SPATA16: variants seen among roughly 807,000 people sequenced by gnomAD.
The protein encoded by SPATA16 is spermatogenesis-associated protein 16.
Under a neutral mutation model 63.3 loss-of-function variants are expected in SPATA16, and 36 were observed. The ratio of observed to expected loss-of-function variants is 0.57; its 90% CI spans 0.44 to 0.75. SPATA16 has a LOEUF of 0.75. Ranked by LOEUF, SPATA16 falls within the 30% of genes least tolerant of loss-of-function variation. The pLI is 0.00. For synonymous variants in SPATA16, 203 were observed against 216.7 expected (o/e 0.94, Z 0.56); for missense variants, 646 against 679.3 (o/e 0.95, Z 0.54).
At chr3:172,979,702 G>T (rs549690901) in intron 4 of SPATA16, among the ~76,000 whole-genome samples, 26 of 152,176 alleles carry the variant, frequency 1.7e-4, no homozygotes, top group Middle Eastern at 3.4e-3. Context: ...ATTCTTAAGT[G>T]TGCTTTTTCA....
At chr3:172,916,036 C>G (rs887536944) in intron 9 of SPATA16, among the ~76,000 whole-genome samples, 4 of 152,140 alleles carry the variant, frequency 2.6e-5, no homozygotes, top group Non-Finnish European at 5.9e-5. Flanking sequence ...AAACCAGAAG[C>G]CTGACACATG....
At chr3:172,928,943 C>T (rs939618463) in intron 6 of SPATA16, among the ~76,000 whole-genome samples, 4 of 152,084 alleles carry the variant, frequency 2.6e-5, no homozygotes, top group Admixed American at 6.5e-5. Flanking sequence ...AAAATGACAA[C>T]ACACTTACCA....
At chr3:172,940,611 G>T (rs1733121596) in intron 6 of SPATA16, among the ~76,000 whole-genome samples, 2 of 152,138 alleles carry the variant, frequency 1.3e-5, no homozygotes, top group East Asian at 3.8e-4. Flanking sequence ...ACATAGAAGG[G>T]AAAAACACAC....
intron 4 of SPATA16, among the ~76,000 whole-genome samples, chr3:173,011,271 A>C (rs1416329087): frequency 6.6e-6 from 1 of 152,252 alleles, no homozygotes; most frequent in East Asian, 1.9e-4. Context: ...TGGATCAATA[A>C]ATGTGATTCA....
chr3:172,995,954 A>G (rs1429339809), intron 4 of SPATA16, among the ~76,000 whole-genome samples: 2 of 152,100 alleles, frequency 1.3e-5, no homozygotes, highest in Non-Finnish European at 2.9e-5. Context: ...AAATCTCACC[A>G]GGTTTTCCGT....
intron 3 of SPATA16, among the ~76,000 whole-genome samples, chr3:173,020,756 T>A (rs1384842496): frequency 6.6e-6 from 1 of 152,202 alleles, no homozygotes; most frequent in Non-Finnish European, 1.5e-5. Flanking sequence ...ACCCAGCCAT[T>A]AGTGAAAGTT....
At chr3:173,054,028 CAT>C (rs1405086910) in intron 2 of SPATA16, among the ~76,000 whole-genome samples, 1 of 151,784 alleles carries the variant, frequency 6.6e-6, no homozygotes, top group Non-Finnish European at 1.5e-5. Context: ...AATTTTACAA[CAT>C]AATTTTTCAT....
chr3:173,025,722 C>T (rs1435765217), intron 3 of SPATA16, among the ~76,000 whole-genome samples: 2 of 151,902 alleles, frequency 1.3e-5, no homozygotes, highest in Non-Finnish European at 2.9e-5. Context: ...ATACCCTATG[C>T]GTACGGCTTC....
At chr3:173,027,931 T>C (rs1735489105) in intron 3 of SPATA16, among the ~76,000 whole-genome samples, 1 of 151,428 alleles carries the variant, frequency 6.6e-6, no homozygotes, top group South Asian at 2.1e-4. Context: ...CTTTAGACTT[T>C]AGCTTTATAT....
intron 10 of SPATA16, among the ~76,000 whole-genome samples, chr3:172,910,506 A>C (rs1355192309): frequency 6.6e-6 from 1 of 152,116 alleles, no homozygotes; most frequent in East Asian, 1.9e-4. Context: ...ATGTAAATAA[A>C]TGGCATGGCT....
chr3:172,946,060 G>A (rs903759252), intron 6 of SPATA16, among the ~76,000 whole-genome samples: 1 of 152,132 alleles, frequency 6.6e-6, no homozygotes, highest in Non-Finnish European at 1.5e-5. Flanking sequence ...CCAGCCACAG[G>A]ATAGGGCACT....
At chr3:172,960,875 C>CTTTCTTTTTT (rs139523157) in intron 5 of SPATA16, among the ~76,000 whole-genome samples, 2 of 142,182 alleles carry the variant, frequency 1.4e-5, no homozygotes, top group African/African-American at 5.4e-5. Context: ...CTTTCTTTCT[C>CTTTCTTTTTT]TCTTTCTTTC....
chr3:173,101,104 T>A (rs1201429981), intron 2 of SPATA16, among the ~76,000 whole-genome samples: 1 of 152,178 alleles, frequency 6.6e-6, no homozygotes, highest in East Asian at 1.9e-4. Context: ...GAAAGACTCC[T>A]TTCTTTTTTT....
chr3:173,033,186 A>T (rs1735643203), intron 3 of SPATA16, among the ~76,000 whole-genome samples: 1 of 152,180 alleles, frequency 6.6e-6, no homozygotes, highest in Non-Finnish European at 1.5e-5. Flanking sequence ...ATTTTTTTAT[A>T]ATTTGAAAAT....
chr3:173,096,889 AATTT>A (rs1212501449), intron 2 of SPATA16, among the ~76,000 whole-genome samples: 1 of 152,124 alleles, frequency 6.6e-6, no homozygotes, highest in East Asian at 1.9e-4. Flanking sequence ...AAAAGGAAGA[AATTT>A]ATTATATATT....
intron 2 of SPATA16, among the ~76,000 whole-genome samples, chr3:173,103,335 C>A (rs931430066): frequency 6.6e-6 from 1 of 152,222 alleles, no homozygotes; most frequent in East Asian, 1.9e-4. Context: ...CCACATTTCC[C>A]CTCTGCACTG....
At chr3:173,044,871 C>T (rs1452944280) in intron 3 of SPATA16, among the ~76,000 whole-genome samples, 3 of 151,944 alleles carry the variant, frequency 2.0e-5, no homozygotes, top group Admixed American at 2.0e-4. Context: ...TCTATTTTGT[C>T]TTTGAATTTA....
intron 6 of SPATA16, among the ~76,000 whole-genome samples, chr3:172,945,032 A>G (rs980396162): frequency 6.6e-5 from 10 of 152,224 alleles, no homozygotes; most frequent in African/African-American, 2.4e-4. Context: ...AAACAAATTT[A>G]TGATAGTGAT....
chr3:173,009,577 A>G (rs552675818), intron 4 of SPATA16, among the ~76,000 whole-genome samples: 4 of 152,310 alleles, frequency 2.6e-5, no homozygotes, highest in African/African-American at 9.6e-5. Context: ...CCCCACCAAC[A>G]GGGGAGGCTA....
Sources: allele counts gnomAD v4.1 joint callset (sites outside exome capture counted in the v4.1 genomes callset), GRCh38; gene constraint gnomAD v4.1.1; transcripts MANE v1.5; gene names NCBI Gene and HGNC (gene_info 2026-07-23, HGNC 2026-07-21).